BRINP1: variants seen among roughly 807,000 people sequenced by gnomAD.
The protein encoded by BRINP1 is BMP/retinoic acid inducible neural specific 1.
Under a neutral mutation model 72.9 loss-of-function variants are expected in BRINP1, and 17 were observed. That is an observed-to-expected ratio of 0.23 (90% CI 0.16 to 0.35). BRINP1 has a LOEUF of 0.35. BRINP1 is among the 10% of genes least tolerant of loss of function. The pLI is 1.00. For missense variants in BRINP1, 850 were observed against 1,001.6 expected (o/e 0.85, Z 2.04); for synonymous variants, 418 against 378.5 (o/e 1.10, Z -1.21).
chr9:119,349,822 C>G (rs917428901), intron 1 of BRINP1, among the ~76,000 whole-genome samples: 6 of 152,200 alleles, frequency 3.9e-5, no homozygotes, highest in African/African-American at 1.4e-4. Flanking sequence ...AACCTGGATT[C>G]AGATCCGAGC....
At chr9:119,211,578 G>C (rs1464637999) in intron 6 of BRINP1, among the ~76,000 whole-genome samples, 1 of 152,116 alleles carries the variant, frequency 6.6e-6, no homozygotes, top group Non-Finnish European at 1.5e-5. Flanking sequence ...ATAGAAACTA[G>C]GCCCTATTTG....
chr9:119,207,139 T>G (rs1345911659), intron 7 of BRINP1, among the ~76,000 whole-genome samples: 1 of 152,076 alleles, frequency 6.6e-6, no homozygotes, highest in Non-Finnish European at 1.5e-5. Flanking sequence ...ATAAGAAGCT[T>G]TCTGTATTGG....
intron 7 of BRINP1, among the ~76,000 whole-genome samples, chr9:119,199,535 T>G (rs1456648878): frequency 6.6e-6 from 1 of 152,158 alleles, no homozygotes; most frequent in Non-Finnish European, 1.5e-5. Context: ...CTCGGACTGC[T>G]GGGTCAAGGC....
At chr9:119,314,158 C>T (rs777296254) in intron 1 of BRINP1, among the ~76,000 whole-genome samples, 58 of 152,196 alleles carry the variant, frequency 3.8e-4, no homozygotes, top group Middle Eastern at 6.8e-3. Flanking sequence ...CAAAGGTTGC[C>T]CAGGGTTCAA....
intron 1 of BRINP1, among the ~76,000 whole-genome samples, chr9:119,344,307 G>A (rs1831431208): frequency 6.6e-6 from 1 of 152,184 alleles, no homozygotes; most frequent in African/African-American, 2.4e-5. Flanking sequence ...TTATTATTTT[G>A]GAAAATACAT....
At chr9:119,235,257 A>G (rs1426655405) in intron 5 of BRINP1, among the ~76,000 whole-genome samples, 1 of 152,212 alleles carries the variant, frequency 6.6e-6, no homozygotes, top group Non-Finnish European at 1.5e-5. Flanking sequence ...CTCTCAAATT[A>G]ACTTTCAACT....
At chr9:119,227,056 CTA>C (rs1418984185) in intron 5 of BRINP1, among the ~76,000 whole-genome samples, 1 of 151,934 alleles carries the variant, frequency 6.6e-6, no homozygotes, top group Non-Finnish European at 1.5e-5. Context: ...GAAATGAGCT[CTA>C]TACCTGGCAC....
intron 1 of BRINP1, among the ~76,000 whole-genome samples, chr9:119,316,344 T>C (rs1831124187): frequency 6.6e-6 from 1 of 152,154 alleles, no homozygotes; most frequent in African/African-American, 2.4e-5. Flanking sequence ...CGCCTCAGCC[T>C]CCCAAAGTGC....
intron 7 of BRINP1, among the ~76,000 whole-genome samples, chr9:119,196,184 G>T (rs576178335): frequency 6.6e-6 from 1 of 152,248 alleles, no homozygotes; most frequent in Non-Finnish European, 1.5e-5. Context: ...TCCAAGTCTG[G>T]TATGGCGCTT....
intron 2 of BRINP1, 73 bp downstream of exon 2, chr9:119,313,065 T>C: frequency 4.0e-6 from 6 of 1,509,140 alleles, no homozygotes; most frequent in Non-Finnish European, 5.4e-6. Flanking sequence ...CAGCAAGGTT[T>C]GCACCAATCA....
chr9:119,209,333 G>T (rs912012915), intron 6 of BRINP1, among the ~76,000 whole-genome samples: 1 of 152,180 alleles, frequency 6.6e-6, no homozygotes, highest in Admixed American at 6.5e-5. Context: ...AGGACTTTGG[G>T]AGGCCAAGGC....
chr9:119,263,601 C>CATTTTTT (rs770303192), intron 2 of BRINP1, among the ~76,000 whole-genome samples: 3 of 78,560 alleles, frequency 3.8e-5, no homozygotes, highest in Non-Finnish European at 6.5e-5. Context: ...GTAAACAATT[C>CATTTTTT]TTTTTTTTTT....
intron 1 of BRINP1, among the ~76,000 whole-genome samples, chr9:119,355,981 G>C (rs929181203): frequency 6.6e-6 from 1 of 151,536 alleles, no homozygotes; most frequent in Non-Finnish European, 1.5e-5. Context: ...TTAAAAATTT[G>C]GTATAGAGAT....
chr9:119,303,206 C>T (rs1830957813), intron 2 of BRINP1, among the ~76,000 whole-genome samples: 1 of 151,946 alleles, frequency 6.6e-6, no homozygotes, highest in Non-Finnish European at 1.5e-5. Context: ...GAAGCTGTAC[C>T]TTGCTGACTT....
At chr9:119,205,283 A>C (rs1444249986) in intron 7 of BRINP1, among the ~76,000 whole-genome samples, 5 of 152,152 alleles carry the variant, frequency 3.3e-5, no homozygotes, top group Admixed American at 3.3e-4. Flanking sequence ...CTAGCACTCA[A>C]AATTCCTCAA....
chr9:119,220,730 A>C (rs2118884884), intron 5 of BRINP1, among the ~76,000 whole-genome samples: 1 of 152,322 alleles, frequency 6.6e-6, no homozygotes, highest in East Asian at 1.9e-4. Flanking sequence ...CAAGTATTGA[A>C]TAAGTCAGTG....
chr9:119,238,349 A>G (rs1242538535), intron 5 of BRINP1, among the ~76,000 whole-genome samples: 1 of 152,214 alleles, frequency 6.6e-6, no homozygotes, highest in Non-Finnish European at 1.5e-5. Context: ...CATATACAGC[A>G]TATACAGACA....
Position 119,249,168 on chromosome 9 carries a change from G to T in BRINP1, c.219-18C>A. The stretch of plus-strand genomic sequence containing the variant: ...CAAACTCCCTGGGCAGGAGAAATGA[G>T]CAACACTTCTCAACTTACCACCATT... On this transcript the variant is annotated intron_variant, in intron 2 of 7. Coordinates refer to ENST00000265922, the MANE Select transcript of BRINP1 (RefSeq NM_014618.3). 1 of 1,607,722 alleles carries T rather than the reference G, an allele frequency of 6.2e-7. No individual in the cohort carries two copies. The highest frequency in any genetic ancestry group is 8.5e-7 in the Non-Finnish European group (1 of 1,176,842).
chr9:119,250,516 T>C (rs895971227), intron 2 of BRINP1, among the ~76,000 whole-genome samples: 2 of 152,254 alleles, frequency 1.3e-5, no homozygotes, highest in Admixed American at 1.3e-4. Context: ...CTACTGCTGA[T>C]GCAGGAATTA....
Sources: allele counts gnomAD v4.1 joint callset (sites outside exome capture counted in the v4.1 genomes callset), GRCh38; gene constraint gnomAD v4.1.1; transcripts MANE v1.5; gene names NCBI Gene and HGNC (gene_info 2026-07-23, HGNC 2026-07-21).